The following SCIN variants were observed in gnomAD, a reference collection of about 807,000 sequenced individuals.
SCIN encodes the protein scinderin, also known as adseverin.
In SCIN, 91 loss-of-function variants were observed where a neutral mutation model predicts 91.8. That is an observed-to-expected ratio of 0.99 (90% confidence interval 0.84 to 1.18). SCIN has a LOEUF of 1.18. Among genes scored for constraint, SCIN ranks in the 50% most tolerant of loss-of-function variants. The pLI is 0.00. For synonymous variants in SCIN, 367 were observed against 312.6 expected, an observed-to-expected ratio of 1.17 and a Z score of -1.84; for missense variants, 1,087 against 863.9, an observed-to-expected ratio of 1.26 and a Z score of -3.24.
intron 3 of SCIN, among the ~76,000 whole-genome samples, chr7:12,587,606 T>G (rs538054599): frequency 2.0e-4 from 30 of 152,306 alleles, no homozygotes; most frequent in African/African-American, 7.2e-4. Flanking sequence ...GCTTTGTTTT[T>G]CCCAGACTAC....
chr7:12,641,853 A>G (rs2115294897), intron 11 of SCIN, among the ~76,000 whole-genome samples: 1 of 152,084 alleles, frequency 6.6e-6, no homozygotes, highest in Admixed American at 6.5e-5. Flanking sequence ...TCTACTGATA[A>G]CTTTGATTCA....
intron 9 of SCIN, among the ~76,000 whole-genome samples, chr7:12,634,905 G>A (rs1474390552): frequency 1.3e-5 from 2 of 152,122 alleles, no homozygotes; most frequent in Admixed American, 6.6e-5. Context: ...CCTTATGGTG[G>A]GAAGGGTGCA....
At chr7:12,578,624 A>T (rs948178508) in intron 2 of SCIN, among the ~76,000 whole-genome samples, 1 of 152,100 alleles carries the variant, frequency 6.6e-6, no homozygotes, top group African/African-American at 2.4e-5. Flanking sequence ...AGCCTTCAAA[A>T]TCTCAGTTGT....
chr7:12,592,727 G>T (rs1361902712), intron 3 of SCIN, among the ~76,000 whole-genome samples: 1 of 152,084 alleles, frequency 6.6e-6, no homozygotes, highest in Non-Finnish European at 1.5e-5. Flanking sequence ...CATCAAACAG[G>T]GAACAAGTAA....
At chr7:12,615,735 T>A (rs1027793849) in intron 4 of SCIN, among the ~76,000 whole-genome samples, 3 of 152,082 alleles carry the variant, frequency 2.0e-5, no homozygotes, top group Non-Finnish European at 4.4e-5. Context: ...ATTTTCTTAA[T>A]GTATAGCATA....
intron 4 of SCIN, among the ~76,000 whole-genome samples, 169 bp from the exon 5 acceptor site, chr7:12,622,632 T>C (rs1057103453): frequency 6.6e-6 from 1 of 152,150 alleles, no homozygotes; most frequent in Non-Finnish European, 1.5e-5. Flanking sequence ...TTGATTGATT[T>C]GGCCTATATG....
At chr7:12,624,858 A>G (rs887651196) in intron 5 of SCIN, among the ~76,000 whole-genome samples, 152 bp from the exon 6 acceptor site, 5 of 152,196 alleles carry the variant, frequency 3.3e-5, no homozygotes, top group Admixed American at 6.5e-5. Flanking sequence ...GATATAATTT[A>G]TACACCATAA....
In SCIN at chr7:12,656,208, T is replaced by A. The variant is rs1328224285; in HGVS notation, c.*3493T>A. On this transcript the variant is annotated 3_prime_UTR_variant, in exon 16 of 16. Coordinates refer to ENST00000297029, the MANE Select transcript of SCIN (RefSeq NM_001112706.3). ...AGGAACACACTATAAACATAAAACATCAGTCCACTTAACTCATTATTCAGT... is the reference window on the plus strand; with the variant it reads ...AGGAACACACTATAAACATAAAACAACAGTCCACTTAACTCATTATTCAGT... 1.3e-5 allele frequency: 2 copies of A among 152,172 alleles called. No individual in the cohort carries two copies. The highest frequency in any genetic ancestry group is 4.8e-5 in the African/African-American group (2 of 41,438). 9.4% of individuals were successfully genotyped at this position (152,172 alleles called of 1,614,324 possible).
chr7:12,605,097 G>C (rs1404849615), intron 4 of SCIN, among the ~76,000 whole-genome samples: 1 of 151,944 alleles, frequency 6.6e-6, no homozygotes, highest in African/African-American at 2.4e-5. Flanking sequence ...TGTCGCCCAG[G>C]CTGGAGTGCA....
intron 5 of SCIN, among the ~76,000 whole-genome samples, chr7:12,623,615 C>G (rs980530440): frequency 1.3e-5 from 2 of 152,070 alleles, no homozygotes; most frequent in African/African-American, 4.8e-5. Context: ...TTCCAGTGTT[C>G]CCTCCCCTTG....
Position 12,626,793 on chromosome 7 carries a change from A to G in SCIN, c.1191A>G (p.Lys397=), listed in dbSNP as rs374841162. The change falls in exon 8 of 16, where the codon AAA becomes AAG. Residue 397 remains lysine (K), a synonymous_variant. Transcript: ENST00000297029. ...QHNMVDDGSG[K]VEIWRVENNG... is the part of the protein sequence containing the mutation. The stretch of plus-strand genomic sequence containing the variant: ...ATATGGTGGATGATGGTTCTGGCAA[A>G]GTGGAGGTATTTACCTGTTTTTGTT... The G allele has an allele frequency of 1.8e-4, 289 of 1,605,488 alleles. 1 individual carries two copies. The African/African-American group carries it at 3.7e-3, about 20-fold the overall frequency.
intron 11 of SCIN, among the ~76,000 whole-genome samples, chr7:12,640,995 C>A (rs1783847210): frequency 6.6e-6 from 1 of 152,142 alleles, no homozygotes; most frequent in Non-Finnish European, 1.5e-5. Context: ...TGGGATCAAA[C>A]CCCATGCCAT....
Position 12,640,331 on chromosome 7 carries a change from C to G in SCIN, c.1411-16C>G. ...CTCTTAATTATATTTCTTTTATTCC[C>G]CCTCTCCCCCATCAGATCCGAGTCT... is the stretch of plus-strand genomic sequence containing the variant. On this transcript the variant is annotated splice_polypyrimidine_tract_variant and intron_variant, in intron 10 of 15. Transcript: ENST00000297029. 6.4e-7 allele frequency: 1 copy of G among 1,553,004 alleles called. No individual in the cohort carries two copies. The highest frequency in any genetic ancestry group is 8.7e-7 in the Non-Finnish European group (1 of 1,151,664).
At chr7:12,601,628 G>A (rs1782960029) in intron 3 of SCIN, among the ~76,000 whole-genome samples, 1 of 152,056 alleles carries the variant, frequency 6.6e-6, no homozygotes, top group Non-Finnish European at 1.5e-5. Context: ...ATAATAAGCA[G>A]TGAGTAATGT....
At chr7:12,613,155 C>G (rs543985246) in intron 4 of SCIN, among the ~76,000 whole-genome samples, 15 of 152,084 alleles carry the variant, frequency 9.9e-5, no homozygotes, top group Non-Finnish European at 1.8e-4. Flanking sequence ...ATGGCAGTTT[C>G]TATTCTATCC....
chr7:12,586,720 C>T (rs1316935891), intron 3 of SCIN, among the ~76,000 whole-genome samples: 1 of 152,142 alleles, frequency 6.6e-6, no homozygotes, highest in African/African-American at 2.4e-5. Flanking sequence ...ATATGGTATA[C>T]ACACAATGGA....
chr7:12,616,565 A>ACACTG (rs1783303179), intron 4 of SCIN, among the ~76,000 whole-genome samples: 1 of 152,132 alleles, frequency 6.6e-6, no homozygotes, highest in Non-Finnish European at 1.5e-5. Flanking sequence ...AACAGCGAAA[A>ACACTG]CACTGCACTG....
chr7:12,635,810 C>T (rs1783739427), intron 9 of SCIN, among the ~76,000 whole-genome samples: 1 of 151,810 alleles, frequency 6.6e-6, no homozygotes, highest in Non-Finnish European at 1.5e-5. Flanking sequence ...GAAGCAAAAG[C>T]TCAATTTCTT....
chr7:12,589,778 T>C (rs1252732710), intron 3 of SCIN, among the ~76,000 whole-genome samples: 1 of 152,058 alleles, frequency 6.6e-6, no homozygotes, highest in African/African-American at 2.4e-5. Flanking sequence ...AGGAGATAGC[T>C]CATGAGGGAG....
Sources: allele counts gnomAD v4.1 joint callset (sites outside exome capture counted in the v4.1 genomes callset), GRCh38; gene constraint gnomAD v4.1.1; transcripts MANE v1.5; gene names NCBI Gene and HGNC (gene_info 2026-07-23, HGNC 2026-07-21).